FSTL4: variants seen among roughly 807,000 people sequenced by gnomAD.
FSTL4 encodes the protein follistatin like 4, also known as follistatin-related protein 4.
FSTL4 carries 28 observed loss-of-function variants against 78.2 expected under a neutral mutation model. That is an observed-to-expected ratio of 0.36 (90% CI 0.27 to 0.49). FSTL4 has a LOEUF of 0.49. Among genes scored for constraint, FSTL4 ranks in the 20% least tolerant of loss-of-function variants. FSTL4 has a pLI of 0.98. For missense variants in FSTL4, 922 were observed against 1,084.9 expected, an observed-to-expected ratio of 0.85 and a Z score of 2.11; for synonymous variants, 422 against 440.5, an observed-to-expected ratio of 0.96 and a Z score of 0.53.
chr5:133,841,671 A>G, the FSTL4 span, among the ~76,000 whole-genome samples: 29 of 152,176 alleles, frequency 1.9e-4, no homozygotes, highest in Admixed American at 1.6e-3. Flanking sequence ...CCCAGAGCCA[A>G]CGCCACCCAA....
At chr5:133,800,400 C>A in the FSTL4 span, among the ~76,000 whole-genome samples, 5 of 138,518 alleles carry the variant, frequency 3.6e-5, 1 homozygote, top group Admixed American at 7.5e-5. Flanking sequence ...TTGGGCCACA[C>A]ATAAAACACA....
At chr5:133,385,628 C>A (rs1755681129) in intron 4 of FSTL4, among the ~76,000 whole-genome samples, 1 of 152,226 alleles carries the variant, frequency 6.6e-6, no homozygotes, top group South Asian at 2.1e-4. Flanking sequence ...GTGAGCCATA[C>A]ATAGTCCCCG....
At chr5:133,717,138 C>T in the FSTL4 span, among the ~76,000 whole-genome samples, 1 of 152,328 alleles carries the variant, frequency 6.6e-6, no homozygotes, top group East Asian at 1.9e-4. Flanking sequence ...ACGTTAGAAG[C>T]AATCCAAATA....
chr5:133,197,670 G>A lies in FSTL4; in HGVS notation c.*1425C>T, dbSNP rs1213816636. 1 of 152,262 alleles carries A rather than the reference G, an allele frequency of 6.6e-6. No homozygotes were observed. Among genetic ancestry groups the A allele is most frequent in the East Asian group, 1.9e-4 (1 of 5,186 alleles). 9.4% of individuals were successfully genotyped at this position (152,262 alleles called of 1,614,324 possible). Reference sequence around the variant, plus strand: ...TCAGTAGGTGAAGGTGGCCAAATTAGCAAAGACGTCTGTGGTGAGACCACC... The same window carrying A: ...TCAGTAGGTGAAGGTGGCCAAATTAACAAAGACGTCTGTGGTGAGACCACC... On this transcript the variant is annotated 3_prime_UTR_variant, in exon 16 of 16. Transcript: ENST00000265342.
At chr5:133,800,010 C>T in the FSTL4 span, among the ~76,000 whole-genome samples, 6 of 139,132 alleles carry the variant, frequency 4.3e-5, 1 homozygote, top group African/African-American at 7.9e-5. Flanking sequence ...GGGACCTGCA[C>T]GAAACATCAG....
the FSTL4 span, among the ~76,000 whole-genome samples, chr5:133,656,359 T>G: frequency 1.3e-5 from 2 of 152,130 alleles, no homozygotes; most frequent in East Asian, 1.9e-4. Flanking sequence ...AATTCCCATT[T>G]CATTGTTTGA....
intron 6 of FSTL4, among the ~76,000 whole-genome samples, chr5:133,278,401 A>T (rs1752936199): frequency 6.6e-6 from 1 of 152,198 alleles, no homozygotes; most frequent in Non-Finnish European, 1.5e-5. Context: ...CTCCAGCCAC[A>T]TGGAGAGCCC....
At chr5:133,260,486 G>A (rs1042301176) in intron 6 of FSTL4, among the ~76,000 whole-genome samples, 1 of 152,220 alleles carries the variant, frequency 6.6e-6, no homozygotes, top group African/African-American at 2.4e-5. Flanking sequence ...AACTCCTGAT[G>A]AGGGGTTCCT....
At chr5:133,639,007 A>G in the FSTL4 span, among the ~76,000 whole-genome samples, 1 of 152,050 alleles carries the variant, frequency 6.6e-6, no homozygotes, top group African/African-American at 2.4e-5. Context: ...ATACATGTGC[A>G]GAATGTGTAG....
chr5:133,811,129 A>G, the FSTL4 span, among the ~76,000 whole-genome samples: 1 of 152,102 alleles, frequency 6.6e-6, no homozygotes, highest in Non-Finnish European at 1.5e-5. Flanking sequence ...GTCCAGCTCT[A>G]TTTCCCTTAT....
intron 4 of FSTL4, among the ~76,000 whole-genome samples, chr5:133,336,875 T>C (rs1449126187): frequency 6.6e-6 from 1 of 152,188 alleles, no homozygotes. Flanking sequence ...ACCATTTCCA[T>C]GACCACACTG....
chr5:133,537,783 C>CAT lies in FSTL4; in HGVS notation c.160+29401_160+29402dup, dbSNP rs1554069392. On this transcript the variant is annotated intron_variant, in intron 3 of 15. Transcript: ENST00000265342. ...CCATTTGCTTATCATTTCTCTCTCA[C>CAT]ATATATATATATATACACACACACA... Among the ~76,000 whole-genome samples, 1,242 of 149,164 alleles carry CAT rather than the reference C, an allele frequency of 8.3e-3. 11 individuals carry two copies. The highest frequency in any genetic ancestry group is 0.025 in the African/African-American group (1,014 of 40,540).
intron 3 of FSTL4, among the ~76,000 whole-genome samples, chr5:133,407,802 G>A (rs1756395826): frequency 6.6e-6 from 1 of 152,208 alleles, no homozygotes; most frequent in Non-Finnish European, 1.5e-5. Context: ...CCAAACACAA[G>A]TGCCAAAGCA....
chr5:133,768,320 C>T, the FSTL4 span, among the ~76,000 whole-genome samples: 3 of 152,324 alleles, frequency 2.0e-5, no homozygotes, highest in South Asian at 6.2e-4. Context: ...GAACTTTCAA[C>T]CACCACCACC....
chr5:133,352,143 C>T (rs76383612), intron 4 of FSTL4, among the ~76,000 whole-genome samples: 2,016 of 151,514 alleles, frequency 0.013, 55 homozygotes, highest in African/African-American at 0.047. Context: ...AAATCCGTCA[C>T]CTTGGAAGTG....
intron 4 of FSTL4, among the ~76,000 whole-genome samples, chr5:133,336,589 G>A (rs1394579032): frequency 6.6e-6 from 1 of 152,188 alleles, no homozygotes; most frequent in African/African-American, 2.4e-5. Flanking sequence ...TTGACCCAGG[G>A]CAGGGGTGAG....
In FSTL4 at chr5:133,279,298, C is replaced by T. The variant is rs537609185; in HGVS notation, c.728-29722G>A. Among the ~76,000 whole-genome samples the T allele has an allele frequency of 1.3e-4, 20 of 152,234 alleles. 1 individual carries two copies. Among genetic ancestry groups the T allele is most frequent in the Admixed American group, 7.2e-4 (11 of 15,282 alleles). ...TCTCAAAGGAGCACAAACCCTATAGCGAACTGTGCATGTGGGGGATTTAGG... is the reference window on the plus strand; with the variant it reads ...TCTCAAAGGAGCACAAACCCTATAGTGAACTGTGCATGTGGGGGATTTAGG... On this transcript the variant is annotated intron_variant, in intron 6 of 15. Coordinates refer to ENST00000265342, the MANE Select transcript of FSTL4 (RefSeq NM_015082.2).
the FSTL4 span, among the ~76,000 whole-genome samples, chr5:133,746,164 TTGTCCTAGAGGATGTCTTGTC>T: frequency 2.0e-5 from 3 of 152,230 alleles, no homozygotes; most frequent in African/African-American, 7.2e-5. Context: ...CAATGAGGCT[TTGTCCTAGAGGATGTCTTGTC>T]ACCATGTTTC....
chr5:133,206,336 G>T (rs750000342), intron 14 of FSTL4, among the ~76,000 whole-genome samples: 1 of 151,466 alleles, frequency 6.6e-6, no homozygotes, highest in Non-Finnish European at 1.5e-5. Context: ...TCTAAAATTT[G>T]TTGCCTCAGA....
Sources: allele counts gnomAD v4.1 joint callset (sites outside exome capture counted in the v4.1 genomes callset), GRCh38; gene constraint gnomAD v4.1.1; transcripts MANE v1.5; gene names NCBI Gene and HGNC (gene_info 2026-07-23, HGNC 2026-07-21).